Variants in ME3 observed in about 807,000 individuals in gnomAD.
ME3 encodes the protein NADP-dependent malic enzyme, mitochondrial.
In ME3, 48 loss-of-function variants were observed where a neutral mutation model predicts 68.9. The observed-to-expected ratio is 0.70, with a 90% CI of 0.55 to 0.89. The LOEUF is 0.89. ME3 is among the 40% of genes least tolerant of loss of function. ME3 has a pLI of 0.00. For missense variants in ME3, 675 were observed against 797.4 expected (o/e 0.85, Z 1.85); for synonymous variants, 320 against 318.8 (o/e 1.00, Z -0.04).
chr11:86,544,388 CAAAA>C (rs1346196479), intron 4 of ME3, among the ~76,000 whole-genome samples: 2 of 151,934 alleles, frequency 1.3e-5, no homozygotes, highest in Non-Finnish European at 2.9e-5. Context: ...AAAAGATTAA[CAAAA>C]CAGATACACT....
intron 2 of ME3, among the ~76,000 whole-genome samples, chr11:86,583,579 A>G (rs890534539): frequency 4.6e-5 from 7 of 152,196 alleles, no homozygotes; most frequent in Admixed American, 6.5e-5. Flanking sequence ...CATTCGAAGA[A>G]ATACTACAAA....
intron 4 of ME3, among the ~76,000 whole-genome samples, chr11:86,548,565 T>C (rs945115379): frequency 1.3e-5 from 2 of 152,240 alleles, no homozygotes; most frequent in African/African-American, 4.8e-5. Flanking sequence ...CAGATAAGCC[T>C]GCAAGCTTTT....
chr11:86,654,105 T>C (rs907081476), intron 2 of ME3, among the ~76,000 whole-genome samples: 7 of 152,148 alleles, frequency 4.6e-5, no homozygotes, highest in Non-Finnish European at 7.4e-5. Flanking sequence ...CAATAATTAA[T>C]AGCTTACCAA....
At chr11:86,550,297 ATGT>A (rs1464436312) in intron 4 of ME3, among the ~76,000 whole-genome samples, 2 of 152,342 alleles carry the variant, frequency 1.3e-5, no homozygotes, top group African/African-American at 4.8e-5. Flanking sequence ...AGATCATAAA[ATGT>A]TAGAGCTAGA....
chr11:86,632,296 G>T (rs1215919218), intron 2 of ME3, among the ~76,000 whole-genome samples: 3 of 152,110 alleles, frequency 2.0e-5, no homozygotes, highest in Non-Finnish European at 2.9e-5. Flanking sequence ...AAGTAGTGGG[G>T]AACTGCCTGA....
intron 2 of ME3, among the ~76,000 whole-genome samples, chr11:86,612,010 T>C (rs569608561): frequency 1.3e-5 from 2 of 152,312 alleles, no homozygotes; most frequent in Non-Finnish European, 2.9e-5. Context: ...TAGGTAGACA[T>C]GTGCCATGGT....
At chr11:86,561,371 C>A (rs1468744662) in intron 2 of ME3, among the ~76,000 whole-genome samples, 1 of 152,064 alleles carries the variant, frequency 6.6e-6, no homozygotes, top group Non-Finnish European at 1.5e-5. Flanking sequence ...AAGATTTGGG[C>A]ACTATTTACT....
At chr11:86,589,322 G>A (rs933509108) in intron 2 of ME3, among the ~76,000 whole-genome samples, 33 of 151,978 alleles carry the variant, frequency 2.2e-4, no homozygotes, top group African/African-American at 7.0e-4. Flanking sequence ...CTTGTAGTAG[G>A]AGCTAAATAA....
At chr11:86,439,632 C>A (rs1401167990), downstream of ME3, among the ~76,000 whole-genome samples, 1 of 151,150 alleles carries the variant, frequency 6.6e-6, no homozygotes, top group Non-Finnish European at 1.5e-5. Flanking sequence ...GTGCTTAGGG[C>A]TGGCAAGATG....
intron 7 of ME3, among the ~76,000 whole-genome samples, chr11:86,471,067 A>G (rs1207380456): frequency 6.6e-6 from 1 of 150,752 alleles, no homozygotes; most frequent in Non-Finnish European, 1.5e-5. Context: ...TCTTTGCTCA[A>G]GCTGCTGGTT....
chr11:86,651,485 G>T (rs572200775), intron 2 of ME3, among the ~76,000 whole-genome samples: 1 of 152,212 alleles, frequency 6.6e-6, no homozygotes, highest in Non-Finnish European at 1.5e-5. Context: ...GGCAAACAGC[G>T]TCTGGAGTGG....
intron 6 of ME3, among the ~76,000 whole-genome samples, chr11:86,490,769 G>A (rs774323520): frequency 6.6e-6 from 1 of 152,128 alleles, no homozygotes; most frequent in Non-Finnish European, 1.5e-5. Flanking sequence ...AGATTAAAAG[G>A]GTCCATGGTG....
chr11:86,658,040 G>A (rs1946023928), intron 2 of ME3, among the ~76,000 whole-genome samples: 1 of 152,124 alleles, frequency 6.6e-6, no homozygotes, highest in South Asian at 2.1e-4. Flanking sequence ...AGAACCTCAG[G>A]ATATGCCTCA....
chr11:86,573,032 G>A (rs1259071266), intron 2 of ME3, among the ~76,000 whole-genome samples: 5 of 152,096 alleles, frequency 3.3e-5, no homozygotes, highest in African/African-American at 4.8e-5. Flanking sequence ...AACGATCAGT[G>A]ATGTTTAGCT....
At chr11:86,665,239 G>A (rs1015525425) in intron 2 of ME3, among the ~76,000 whole-genome samples, 3 of 152,320 alleles carry the variant, frequency 2.0e-5, no homozygotes, top group South Asian at 4.1e-4. Flanking sequence ...TACTAAGTAA[G>A]CAGTTAGATA....
chr11:86,525,246 T>C (rs1305716117), intron 4 of ME3, among the ~76,000 whole-genome samples: 1 of 152,172 alleles, frequency 6.6e-6, no homozygotes, highest in Non-Finnish European at 1.5e-5. Flanking sequence ...TTAAAGATAA[T>C]ATATGAAAAG....
chr11:86,537,783 A>G (rs1955779805), intron 4 of ME3, among the ~76,000 whole-genome samples: 1 of 152,198 alleles, frequency 6.6e-6, no homozygotes, highest in African/African-American at 2.4e-5. Context: ...GGGGGCACAC[A>G]AGTAACATCT....
intron 2 of ME3, among the ~76,000 whole-genome samples, chr11:86,602,958 A>G (rs1406526781): frequency 6.6e-6 from 1 of 152,248 alleles, no homozygotes; most frequent in Non-Finnish European, 1.5e-5. Flanking sequence ...TTCAAGGTGG[A>G]TTAAAGACTT....
intron 2 of ME3, among the ~76,000 whole-genome samples, chr11:86,609,496 G>C (rs1942401098): frequency 6.6e-6 from 1 of 152,126 alleles, no homozygotes; most frequent in Non-Finnish European, 1.5e-5. Flanking sequence ...TTTGCTAAAT[G>C]AATCAGTGAA....
Sources: gnomAD v4.1 joint callset for allele counts (sites outside exome capture counted in the v4.1 genomes callset) on GRCh38, gnomAD v4.1.1 for gene constraint, MANE v1.5 for transcripts, NCBI Gene and HGNC (gene_info 2026-07-23, HGNC 2026-07-21) for gene names.